The following SMOX variants were observed in gnomAD, a reference collection of about 807,000 sequenced individuals.
The protein encoded by SMOX is spermine oxidase.
Under a neutral mutation model 51.0 loss-of-function variants are expected in SMOX, and 22 were observed. The observed-to-expected ratio is 0.43, with a 90% CI of 0.31 to 0.62. The LOEUF is 0.62. Among genes scored for constraint, SMOX ranks in the 20% least tolerant of loss-of-function variants. SMOX has a pLI of 0.10. For synonymous variants in SMOX, 282 were observed against 307.8 expected (o/e 0.92, Z 0.88); for missense variants, 566 against 777.7 (o/e 0.73, Z 3.24).
At position 4,170,038 on chromosome 20, in the gene SMOX, T is replaced by C. The variant is rs1193887410; in HGVS notation, c.-26-4992T>C. ...TTCCCCAGGCCTGCTACATAGTAGGTGCTCAGTGAATTGCTAAATTATATT... is the reference window on the plus strand; with the variant it reads ...TTCCCCAGGCCTGCTACATAGTAGGCGCTCAGTGAATTGCTAAATTATATT... On this transcript the variant is annotated intron_variant, in intron 1 of 6. Transcript: ENST00000305958. This position sits in a 1 kb window ranked among gnomAD's most constrained non-coding sequence, Gnocchi z 4.6. 1.3e-5 allele frequency among the ~76,000 whole-genome samples: 2 copies of C among 152,034 alleles called. No individual in the cohort carries two copies. Among genetic ancestry groups the C allele is most frequent in the African/African-American group, 4.8e-5 (2 of 41,376 alleles).
intron 6 of SMOX, among the ~76,000 whole-genome samples, chr20:4,186,450 C>T (rs1979741577): frequency 6.6e-6 from 1 of 152,220 alleles, no homozygotes; most frequent in African/African-American, 2.4e-5. Flanking sequence ...CCTAGACAGC[C>T]TGCTTTCTCA....
At chr20:4,159,935 A>G (rs76974945) in intron 1 of SMOX, among the ~76,000 whole-genome samples, 1 of 152,198 alleles carries the variant, frequency 6.6e-6, no homozygotes, top group Non-Finnish European at 1.5e-5. Context: ...AGGAGAGCAC[A>G]GTTAATGTAC....
intron 1 of SMOX, among the ~76,000 whole-genome samples, chr20:4,154,436 C>T (rs536025925): frequency 6.6e-6 from 1 of 151,116 alleles, no homozygotes; most frequent in South Asian, 2.1e-4. Context: ...AGTGCAGTGA[C>T]AGGATCTCGG....
chr20:4,164,059 C>G (rs1253772109), intron 1 of SMOX, among the ~76,000 whole-genome samples: 1 of 152,174 alleles, frequency 6.6e-6, no homozygotes, highest in Non-Finnish European at 1.5e-5. Flanking sequence ...CAACCCTAGC[C>G]TGGGAGCTCC....
intron 1 of SMOX, among the ~76,000 whole-genome samples, chr20:4,171,138 T>A (rs1265119451): frequency 6.6e-6 from 1 of 152,210 alleles, no homozygotes; most frequent in Non-Finnish European, 1.5e-5. Context: ...TACAGGGTGT[T>A]CTGTTTCTCC....
chr20:4,149,271 C>T lies in SMOX; in HGVS notation c.-27+294C>T, dbSNP rs1985602614. Among the ~76,000 whole-genome samples the T allele has an allele frequency of 6.6e-6, 1 of 150,694 alleles. No individual in the cohort carries two copies. Among genetic ancestry groups the T allele is most frequent in the Admixed American group, 6.6e-5 (1 of 15,176 alleles). On this transcript the variant is annotated intron_variant, in intron 1 of 6. Coordinates refer to ENST00000305958, the MANE Select transcript of SMOX (RefSeq NM_175839.3). The surrounding 1 kb of genome is among the most constrained non-coding windows in gnomAD (Gnocchi z 6.0). ...GGCGCCAGGGCTGCTCGGCCCGGGC[C>T]GGGCGCCGGGGGTAGAGGGCCGGAC...
intron 2 of SMOX, among the ~76,000 whole-genome samples, chr20:4,176,416 G>T (rs1272593797): frequency 6.6e-6 from 1 of 152,214 alleles, no homozygotes; most frequent in Non-Finnish European, 1.5e-5. Flanking sequence ...GGGAGGAATG[G>T]CAAAGTCACG....
At chr20:4,178,449 G>A (rs1979056487) in intron 3 of SMOX, among the ~76,000 whole-genome samples, 3 of 152,128 alleles carry the variant, frequency 2.0e-5, no homozygotes, top group African/African-American at 7.2e-5. Context: ...GTATCTCAGT[G>A]CAGTGTTGGA....
chr20:4,170,075 G>C lies in SMOX; in HGVS notation c.-26-4955G>C, dbSNP rs1190102240. On this transcript the variant is annotated intron_variant, in intron 1 of 6. Coordinates refer to ENST00000305958, the MANE Select transcript of SMOX (RefSeq NM_175839.3). The surrounding 1 kb of genome is among the most constrained non-coding windows in gnomAD (Gnocchi z 4.6). Reference sequence around the variant, plus strand: ...TGCTAAATTATATTCCCTGGCCAGCGAGATGCCCAGCTGTGCTTATCCTTG... The same window carrying C: ...TGCTAAATTATATTCCCTGGCCAGCCAGATGCCCAGCTGTGCTTATCCTTG... 6.6e-6 allele frequency among the ~76,000 whole-genome samples: 1 copy of C among 151,848 alleles called. No individual in the cohort carries two copies. The highest frequency in any genetic ancestry group is 1.9e-4 in the East Asian group (1 of 5,168).
At position 4,177,594 on chromosome 20, in the gene SMOX, G is replaced by A. The variant is rs1278763864; in HGVS notation, c.435+17G>A. On this transcript the variant is annotated intron_variant, in intron 3 of 6. Transcript: ENST00000305958. This position sits in a 1 kb window ranked among gnomAD's most constrained non-coding sequence, Gnocchi z 4.3. ...TACAACGAGGTAAGGTGTGAGCAGA[G>A]TAGCTGGGCGTAAGGGCATGGGGAG... The A allele has an allele frequency of 1.3e-6, 2 of 1,564,080 alleles. No homozygotes were observed. Among genetic ancestry groups the A allele is most frequent in the Non-Finnish European group, 1.7e-6 (2 of 1,153,222 alleles).
Position 4,182,888 on chromosome 20 carries a change from T to C in SMOX, c.1369+40T>C, listed in dbSNP as rs1979461293. 6.4e-7 allele frequency: 1 copy of C among 1,572,536 alleles called. No individual in the cohort carries two copies. Reference sequence around the variant, plus strand: ...CCACGACCCGCTTCCCCCACCCTGCTTCTTCCTCACCTGCCCTCCTCTGGT... The same window carrying C: ...CCACGACCCGCTTCCCCCACCCTGCCTCTTCCTCACCTGCCCTCCTCTGGT... On this transcript the variant is annotated intron_variant, in intron 5 of 6. Coordinates refer to ENST00000305958, the MANE Select transcript of SMOX (RefSeq NM_175839.3). This position sits in a 1 kb window ranked among gnomAD's most constrained non-coding sequence, Gnocchi z 8.4.
chr20:4,173,979 G>A (rs1978624123), intron 1 of SMOX, among the ~76,000 whole-genome samples: 1 of 152,282 alleles, frequency 6.6e-6, no homozygotes, highest in African/African-American at 2.4e-5. Context: ...CTGGCTTAGT[G>A]TAACTGTCAA....
chr20:4,171,095 C>G (rs1331367975), intron 1 of SMOX, among the ~76,000 whole-genome samples: 1 of 152,228 alleles, frequency 6.6e-6, no homozygotes, highest in Non-Finnish European at 1.5e-5. Flanking sequence ...TGAGCCAGCA[C>G]TTTTTTCTTC....
In SMOX at chr20:4,149,838, G is replaced by A. The variant is rs1379163514; in HGVS notation, c.-27+861G>A. 6.6e-6 allele frequency among the ~76,000 whole-genome samples: 1 copy of A among 152,202 alleles called. No individual in the cohort carries two copies. Among genetic ancestry groups the A allele is most frequent in the South Asian group, 2.1e-4 (1 of 4,834 alleles). ...GCACATCACGTACCAGTCTGTGGGG[G>A]CAACTTGGCCGTGATTGGAGCCAGC... On this transcript the variant is annotated intron_variant, in intron 1 of 6. Coordinates refer to ENST00000305958, the MANE Select transcript of SMOX (RefSeq NM_175839.3). The surrounding 1 kb of genome is among the most constrained non-coding windows in gnomAD (Gnocchi z 6.0).
At position 4,182,964 on chromosome 20, in the gene SMOX, C is replaced by A; in HGVS notation, c.1369+116C>A. 7.1e-7 allele frequency: 1 copy of A among 1,405,656 alleles called. No homozygotes were observed. Among genetic ancestry groups the A allele is most frequent in the Non-Finnish European group, 9.4e-7 (1 of 1,060,550 alleles). The allele number at this position is 1,405,656 out of a possible 1,614,324, so 87.1% of individuals were successfully genotyped here. A position where few individuals can be genotyped will look rare whatever the true frequency, so the allele number is the denominator to read the frequency against. ...CAGACCGTGAAGCTCGGATGCTGTG[C>A]CCCACGGGAGAGCCACTGCAGGGTG... On this transcript the variant is annotated intron_variant, in intron 5 of 6. Transcript: ENST00000305958. This position sits in a 1 kb window ranked among gnomAD's most constrained non-coding sequence, Gnocchi z 8.4.
At chr20:4,169,943 G>A (rs1296337851) in intron 1 of SMOX, among the ~76,000 whole-genome samples, 1 of 152,132 alleles carries the variant, frequency 6.6e-6, no homozygotes, top group Non-Finnish European at 1.5e-5. Context: ...TTTTGGCGGG[G>A]AGTTGTGATT....
chr20:4,184,511 A>AAT (rs11087623), intron 6 of SMOX, among the ~76,000 whole-genome samples: 1 of 151,556 alleles, frequency 6.6e-6, no homozygotes, highest in Non-Finnish European at 1.5e-5. Flanking sequence ...AAAAAAAAAA[A>AAT]TCTGAAATAT....
At chr20:4,150,515 GTTGGAGGGCCCCA>G (rs1985685847) in intron 1 of SMOX, among the ~76,000 whole-genome samples, 1 of 152,156 alleles carries the variant, frequency 6.6e-6, no homozygotes, top group Admixed American at 6.5e-5. Flanking sequence ...AGCTCCAAAT[GTTGGAGGGCCCCA>G]GGGCTTTGTC....
Position 4,181,714 on chromosome 20 carries a change from CT to C in SMOX, c.436-88del. The C allele has an allele frequency of 1.4e-6, 2 of 1,480,878 alleles. No individual in the cohort carries two copies. Among genetic ancestry groups the C allele is most frequent in the South Asian group, 2.6e-5 (2 of 78,292 alleles). 91.7% of individuals were successfully genotyped at this position (1,480,878 alleles called of 1,614,324 possible). On this transcript the variant is annotated intron_variant, in intron 3 of 6. Coordinates refer to ENST00000305958, the MANE Select transcript of SMOX (RefSeq NM_175839.3). The surrounding 1 kb of genome is among the most constrained non-coding windows in gnomAD (Gnocchi z 5.6). The stretch of plus-strand genomic sequence containing the variant: ...GGGGCTCAGTGCATCCAGGGGACAC[CT>C]GGGAACTGGTGGGTTTGGGTTGGGG...
Sources: gnomAD v4.1 joint callset for allele counts (sites outside exome capture counted in the v4.1 genomes callset) on GRCh38, gnomAD v4.1.1 for gene constraint, Gnocchi (gnomAD v3.1) non-coding constraint, MANE v1.5 for transcripts, NCBI Gene and HGNC (gene_info 2026-07-23, HGNC 2026-07-21) for gene names.